TRPM3: variants seen among roughly 807,000 people sequenced by gnomAD.
TRPM3 encodes the protein long transient receptor potential channel 3.
Under a neutral mutation model 181.2 loss-of-function variants are expected in TRPM3, and 77 were observed. The observed-to-expected ratio is 0.42, with a 90% CI of 0.35 to 0.51. TRPM3 has a LOEUF of 0.51. TRPM3 is among the 20% of genes least tolerant of loss of function. TRPM3 has a pLI of 0.01. For synonymous variants in TRPM3, 745 were observed against 796.4 expected (o/e 0.94, Z 1.09); for missense variants, 1,759 against 2,196.7 (o/e 0.80, Z 3.98).
At position 71,218,727 on chromosome 9, in the gene TRPM3, G is replaced by A. The variant is rs550974627; in HGVS notation, c.183+227926C>T. Among the ~76,000 whole-genome samples, 4 of 152,262 alleles carry A rather than the reference G, an allele frequency of 2.6e-5. No individual in the cohort carries two copies. The East Asian group carries it at 7.7e-4, about 29-fold the overall frequency. Reference sequence around the variant, plus strand: ...CACTTTCACATGGTGATTGCCTAAAGAGCAAAAATATTATACTTTCATTTA... The same window carrying A: ...CACTTTCACATGGTGATTGCCTAAAAAGCAAAAATATTATACTTTCATTTA... On this transcript the variant is annotated intron_variant, in intron 1 of 24. Transcript: ENST00000357533.
chr9:71,049,860 C>T (rs2059873177), intron 1 of TRPM3, among the ~76,000 whole-genome samples: 1 of 152,146 alleles, frequency 6.6e-6, no homozygotes, highest in Non-Finnish European at 1.5e-5. Context: ...CTTTCGGAGG[C>T]TCAGTTCCCT....
intron 21 of TRPM3, 100 bp from the exon 22 acceptor site, chr9:70,591,305 A>G: frequency 1.1e-6 from 1 of 927,852 alleles, no homozygotes; most frequent in Non-Finnish European, 1.7e-6. Context: ...GAGGAGGTCC[A>G]CTTTCTAGAC....
intron 1 of TRPM3, among the ~76,000 whole-genome samples, chr9:71,154,953 CT>C (rs1353561092): frequency 6.6e-6 from 1 of 152,086 alleles, no homozygotes; most frequent in Non-Finnish European, 1.5e-5. Flanking sequence ...TTATCTTAAA[CT>C]TTTTTTGACA....
intron 22 of TRPM3, among the ~76,000 whole-genome samples, chr9:70,560,874 T>G (rs1402206760): frequency 1.3e-5 from 2 of 152,174 alleles, no homozygotes; most frequent in Non-Finnish European, 2.9e-5. Flanking sequence ...CCCCAAAGAT[T>G]AAGACACTTG....
At chr9:71,182,740 C>T (rs1224455091) in intron 1 of TRPM3, among the ~76,000 whole-genome samples, 2 of 152,098 alleles carry the variant, frequency 1.3e-5, no homozygotes, top group Non-Finnish European at 2.9e-5. Context: ...TGGCTCATTG[C>T]AACCTCCAAC....
At chr9:70,930,618 T>TGTG (rs1382053207) in intron 1 of TRPM3, among the ~76,000 whole-genome samples, 66 of 152,320 alleles carry the variant, frequency 4.3e-4, no homozygotes, top group African/African-American at 1.5e-3. Flanking sequence ...TTATTAATGA[T>TGTG]ACATTAGCAG....
rs184018566 is a variant in TRPM3 at position 70,618,899 on chromosome 9, G to A, written c.2326C>T (p.Arg776Trp). 1.2e-5 allele frequency: 19 copies of A among 1,609,858 alleles called. No homozygotes were observed. Among genetic ancestry groups the A allele is most frequent in the East Asian group, 1.1e-4 (5 of 44,874 alleles). ...QMLLTDMWMG[R>W]LRMRKNSGLK... ...CCTGAGTTCTTGCGCATGCGGAGCC[G>A]GCCCATCCACATGTCGGTGAGCAGC... Residue 776 changes from arginine (R) to tryptophan (W), a missense_variant, in exon 17 of 26, where the codon CGG becomes TGG. Physicochemically the swap from Arg to Trp is moderately radical, Grantham distance 101. Coordinates refer to ENST00000677713, the MANE Select transcript of TRPM3 (RefSeq NM_001366145.2).
chr9:71,362,147 C>G (rs1400569760), intron 1 of TRPM3, among the ~76,000 whole-genome samples: 1 of 152,192 alleles, frequency 6.6e-6, no homozygotes, highest in Admixed American at 6.5e-5. Context: ...GGCCACACTT[C>G]ACATATATGA....
chr9:71,053,579 T>G (rs2060311069), intron 1 of TRPM3, among the ~76,000 whole-genome samples: 1 of 152,044 alleles, frequency 6.6e-6, no homozygotes, highest in Non-Finnish European at 1.5e-5. Context: ...ACTGCCCAAT[T>G]TTGACAATTG....
At chr9:70,758,189 GACAA>G (rs1282809281) in intron 8 of TRPM3, among the ~76,000 whole-genome samples, 3 of 152,084 alleles carry the variant, frequency 2.0e-5, no homozygotes, top group African/African-American at 4.8e-5. Context: ...AACAATAACA[GACAA>G]ACAGAGAGCC....
chr9:70,549,510 A>G, intron 25 of TRPM3, 32 bp downstream of exon 25: 1 of 1,595,554 alleles, frequency 6.3e-7, no homozygotes, highest in Non-Finnish European at 8.5e-7. Context: ...GGCACAACAC[A>G]TCTGCAGGAG....
chr9:71,228,072 C>CA (rs1352191020), intron 1 of TRPM3, among the ~76,000 whole-genome samples: 1 of 152,082 alleles, frequency 6.6e-6, no homozygotes, highest in African/African-American at 2.4e-5. Flanking sequence ...AACACTGATG[C>CA]AAAAATTCTC....
At chr9:71,101,679 G>T (rs1040985324) in intron 1 of TRPM3, among the ~76,000 whole-genome samples, 1 of 152,136 alleles carries the variant, frequency 6.6e-6, no homozygotes, top group African/African-American at 2.4e-5. Flanking sequence ...GAAAACCAAA[G>T]ACATCACTTT....
At chr9:70,690,564 AT>A (rs1014039664) in intron 8 of TRPM3, among the ~76,000 whole-genome samples, 4 of 114,486 alleles carry the variant, frequency 3.5e-5, no homozygotes, top group South Asian at 2.9e-4. Context: ...ATTTATTTAT[AT>A]TTATTTATTT....
intron 9 of TRPM3, among the ~76,000 whole-genome samples, chr9:70,645,966 CAT>C (rs2058779053): frequency 6.6e-6 from 1 of 152,118 alleles, no homozygotes; most frequent in Non-Finnish European, 1.5e-5. Flanking sequence ...AGCCAACAAA[CAT>C]ATGAAAAAAG....
intron 22 of TRPM3, among the ~76,000 whole-genome samples, chr9:70,580,242 C>T (rs2055275406): frequency 6.6e-6 from 1 of 152,122 alleles, no homozygotes; most frequent in South Asian, 2.1e-4. Context: ...CCTATGCATC[C>T]CATAAACTGA....
rs562519950 is a variant in TRPM3 at position 71,193,461 on chromosome 9, C to T, written c.183+253192G>A. Among the ~76,000 whole-genome samples the T allele has an allele frequency of 3.3e-5, 5 of 151,920 alleles. No individual in the cohort carries two copies. The South Asian group carries it at 1.0e-3, about 32-fold the overall frequency. On this transcript the variant is annotated intron_variant, in intron 1 of 24. Coordinates refer to the TRPM3 transcript ENST00000357533. The stretch of plus-strand genomic sequence containing the variant: ...AATGAATTCAAATCCCCAAATCTCC[C>T]ATTTCTCATCCTCCTCTTTCTCTAC...
At chr9:70,876,514 AAAGT>A (rs1238273292) in intron 1 of TRPM3, among the ~76,000 whole-genome samples, 2 of 151,716 alleles carry the variant, frequency 1.3e-5, no homozygotes, top group Non-Finnish European at 2.9e-5. Flanking sequence ...TTTAAAAGAT[AAAGT>A]GAGTTTCTGA....
chr9:71,068,296 TA>T (rs1158568631), intron 1 of TRPM3, among the ~76,000 whole-genome samples: 2 of 152,208 alleles, frequency 1.3e-5, no homozygotes, highest in African/African-American at 4.8e-5. Context: ...AGAACTTATT[TA>T]TATGCTAATT....
Sources: allele counts gnomAD v4.1 joint callset (sites outside exome capture counted in the v4.1 genomes callset), GRCh38; gene constraint gnomAD v4.1.1; transcripts MANE v1.5; gene names NCBI Gene and HGNC (gene_info 2026-07-23, HGNC 2026-07-21).